The following MYLK variants were observed in gnomAD, a reference collection of about 807,000 sequenced individuals.
MYLK encodes myosin light chain kinase, smooth muscle.
In MYLK, 106 loss-of-function variants were observed where a neutral mutation model predicts 203.4. The ratio of observed to expected loss-of-function variants is 0.52; its 90% CI spans 0.45 to 0.61. The LOEUF is 0.61. MYLK is among the 20% of genes least tolerant of loss of function. The pLI, the probability that MYLK is intolerant of heterozygous loss-of-function variation, is 0.00. For missense variants in MYLK, 2,072 were observed against 2,442.3 expected, an observed-to-expected ratio of 0.85 and a Z score of 3.20; for synonymous variants, 867 against 959.5, an observed-to-expected ratio of 0.90 and a Z score of 1.78.
intron 3 of MYLK, among the ~76,000 whole-genome samples, chr3:123,804,562 C>T (rs1047718482): frequency 6.6e-6 from 1 of 152,186 alleles, no homozygotes; most frequent in African/African-American, 2.4e-5. Context: ...CTGTAGATCC[C>T]ATGCCTTCTG....
chr3:123,668,717 C>CA (rs111411539), intron 20 of MYLK, among the ~76,000 whole-genome samples: 15 of 152,246 alleles, frequency 9.9e-5, no homozygotes, highest in African/African-American at 2.6e-4. Flanking sequence ...CTTCCCTAAC[C>CA]ACCCCATACA....
intron 2 of MYLK, among the ~76,000 whole-genome samples, chr3:123,841,096 A>T (rs904373409): frequency 2.6e-5 from 4 of 152,188 alleles, no homozygotes; most frequent in Non-Finnish European, 5.9e-5. Flanking sequence ...TCTATTGAAT[A>T]AAAGAGGAGC....
chr3:123,822,400 C>T (rs571615851), intron 3 of MYLK, among the ~76,000 whole-genome samples: 1 of 152,336 alleles, frequency 6.6e-6, no homozygotes, highest in East Asian at 1.9e-4. Context: ...ACTCCCCAGA[C>T]ACAGGTACCA....
intron 3 of MYLK, among the ~76,000 whole-genome samples, chr3:123,795,362 T>G (rs749692644): frequency 1.2e-4 from 18 of 152,214 alleles, no homozygotes; most frequent in Non-Finnish European, 2.5e-4. Flanking sequence ...GATGAGTCTA[T>G]GTGTACTGAA....
chr3:123,712,620 G>A (rs2108673297), intron 13 of MYLK, among the ~76,000 whole-genome samples: 1 of 152,306 alleles, frequency 6.6e-6, no homozygotes, highest in South Asian at 2.1e-4. Context: ...TCCCTCCCCT[G>A]GGAGCTCAGA....
At chr3:123,827,043 G>C (rs891498900) in intron 3 of MYLK, among the ~76,000 whole-genome samples, 1 of 152,146 alleles carries the variant, frequency 6.6e-6, no homozygotes, top group African/African-American at 2.4e-5. Context: ...AAGAAAGATA[G>C]TAATTATCCA....
intron 18 of MYLK, among the ~76,000 whole-genome samples, chr3:123,693,209 G>A (rs1390836990): frequency 2.6e-5 from 4 of 152,264 alleles, no homozygotes; most frequent in Admixed American, 2.6e-4. Flanking sequence ...CCCCCTGGAC[G>A]TCACCAAGAG....
Position 123,637,949 on chromosome 3 carries a change from T to TG in MYLK, c.4961+121dup, listed in dbSNP as rs915995119. ...GGGGAGCCTGCCACCCTCCTGACTC[T>TG]GGGGGGGGCTCCCCATCATGACAAT... On this transcript the variant is annotated intron_variant, in intron 29 of 33. Transcript: ENST00000360304. 1.2e-3 allele frequency: 1,758 copies of TG among 1,443,686 alleles called. 2 individuals are homozygous for TG. Among genetic ancestry groups the TG allele is most frequent in the African/African-American group, 1.4e-3 (101 of 71,138 alleles). 89.4% of individuals were successfully genotyped at this position (1,443,686 alleles called of 1,614,324 possible). A position where few individuals can be genotyped will look rare whatever the true frequency, so the allele number is the denominator to read the frequency against.
At chr3:123,651,576 T>G (rs1341125692) in intron 24 of MYLK, among the ~76,000 whole-genome samples, 1 of 152,194 alleles carries the variant, frequency 6.6e-6, no homozygotes, top group Non-Finnish European at 1.5e-5. Context: ...CGGCGTGGCA[T>G]GGAGACCAGT....
chr3:123,724,698 T>C (rs768982812), intron 12 of MYLK, among the ~76,000 whole-genome samples: 5 of 151,982 alleles, frequency 3.3e-5, no homozygotes, highest in Non-Finnish European at 7.4e-5. Context: ...GACTATTTGG[T>C]GCATAAGTGT....
intron 20 of MYLK, chr3:123,681,838 A>C: frequency 3.3e-6 from 1 of 300,606 alleles, no homozygotes; most frequent in Non-Finnish European, 6.6e-6. Context: ...AGGAGTGATG[A>C]GATCAGAGTT....
intron 24 of MYLK, 98 bp from the exon 25 acceptor site, chr3:123,649,292 C>T: frequency 6.6e-7 from 1 of 1,514,246 alleles, no homozygotes. Context: ...AGGCCTCAGC[C>T]TCCCCAGGCA....
At chr3:123,645,904 G>A (rs1461384254) in intron 27 of MYLK, among the ~76,000 whole-genome samples, 2 of 152,202 alleles carry the variant, frequency 1.3e-5, no homozygotes, top group Non-Finnish European at 2.9e-5. Flanking sequence ...AGCACTTTGG[G>A]AGGCTGAGGC....
Position 123,740,043 on chromosome 3 carries a change from C to G in MYLK, c.374-42G>C, listed in dbSNP as rs73857505. On this transcript the variant is annotated intron_variant, in intron 5 of 33. Transcript: ENST00000360304. ...TGATGAGTCAGGTCTGAGCCACCAA[C>G]TTGGAGCAATGAAAGTAAAAAGATT... 15,669 of 1,608,508 alleles carry G rather than the reference C, an allele frequency of 9.7e-3. 919 individuals are homozygous for G. The African/African-American group carries it at 0.15, about 16-fold the overall frequency.
rs72968600 is a variant in MYLK, at chr3:123,684,916, G to A, written c.3566-2606C>T. 9.2e-3 allele frequency among the ~76,000 whole-genome samples: 1,404 copies of A among 152,340 alleles called. 23 individuals are homozygous for A. The highest frequency in any genetic ancestry group is 0.032 in the African/African-American group (1,332 of 41,578). On this transcript the variant is annotated intron_variant, in intron 19 of 33. Transcript: ENST00000360304. ...GCTTCAGCACTCATTCTCCTGGTGA[G>A]TCTTGGAGCATAGAGGAGGGAGAAG...
intron 2 of MYLK, among the ~76,000 whole-genome samples, chr3:123,852,272 G>A (rs932580529): frequency 3.3e-5 from 5 of 152,184 alleles, no homozygotes; most frequent in Admixed American, 6.5e-5. Flanking sequence ...ATGAGTTAGG[G>A]AGGATTCCCT....
intron 3 of MYLK, chr3:123,831,331 A>C: frequency 7.9e-7 from 1 of 1,270,618 alleles, no homozygotes; most frequent in Admixed American, 2.3e-5. Context: ...TCGCCAGTTC[A>C]AGAATTCTGA....
chr3:123,675,522 G>C (rs889841740), intron 20 of MYLK, among the ~76,000 whole-genome samples: 10 of 152,208 alleles, frequency 6.6e-5, no homozygotes, highest in African/African-American at 1.7e-4. Context: ...CTGAAGGTGG[G>C]TCTCACGGAG....
chr3:123,819,787 CTTTTTTTTTTTT>C, intron 3 of MYLK, among the ~76,000 whole-genome samples: 1 of 74,532 alleles, frequency 1.3e-5, no homozygotes, highest in African/African-American at 5.0e-5. Flanking sequence ...TCTAAGCCTC[CTTTTTTTTTTTT>C]TTTTTTTTTT....
Sources: allele counts gnomAD v4.1 joint callset (sites outside exome capture counted in the v4.1 genomes callset), GRCh38; gene constraint gnomAD v4.1.1; transcripts MANE v1.5; gene names NCBI Gene and HGNC (gene_info 2026-07-23, HGNC 2026-07-21).